ADAM12: variants seen among roughly 807,000 people sequenced by gnomAD.
The protein encoded by ADAM12 is ADAM metallopeptidase domain 12, also known as disintegrin and metalloproteinase domain-containing protein 12.
ADAM12 carries 70 observed loss-of-function variants against 106.4 expected under a neutral mutation model. The ratio of observed to expected loss-of-function variants is 0.66; its 90% confidence interval spans 0.54 to 0.80. The LOEUF is 0.80. Among genes scored for constraint, ADAM12 ranks in the 30% least tolerant of loss-of-function variants. The pLI is 0.00. For synonymous variants in ADAM12, 420 were observed against 433.5 expected, an observed-to-expected ratio of 0.97 and a Z score of 0.39; for missense variants, 1,010 against 1,171.9, an observed-to-expected ratio of 0.86 and a Z score of 2.02.
chr10:126,321,777 C>T (rs1854103012), intron 2 of ADAM12, among the ~76,000 whole-genome samples: 2 of 152,044 alleles, frequency 1.3e-5, no homozygotes, highest in African/African-American at 2.4e-5. Context: ...TGATATGATG[C>T]CCAGGGGAAA....
intron 2 of ADAM12, among the ~76,000 whole-genome samples, chr10:126,312,562 G>A (rs1012671884): frequency 2.0e-5 from 3 of 152,090 alleles, no homozygotes; most frequent in Non-Finnish European, 4.4e-5. Flanking sequence ...GTCAGGGAAA[G>A]CTTCAGGGAG....
At chr10:126,119,213 C>T (rs957085349) in intron 5 of ADAM12, among the ~76,000 whole-genome samples, 16 of 152,148 alleles carry the variant, frequency 1.1e-4, no homozygotes, top group African/African-American at 1.9e-4. Flanking sequence ...CCAGTCTCAA[C>T]GCTGCAAGGG....
rs956698184 is a variant in ADAM12 at position 126,132,058 on chromosome 10, C to G, written c.416+3526G>C. On this transcript the variant is annotated intron_variant, in intron 5 of 22. Transcript: ENST00000448723. ...TGGTACAATCTCGGCTCACTGCAAC[C>G]CCCGCCTCCCGGGTTCAAGCAGTTT... is the stretch of plus-strand genomic sequence containing the variant. Among the ~76,000 whole-genome samples, 4 of 151,904 alleles carry G rather than the reference C, an allele frequency of 2.6e-5. No homozygotes were observed. In the East Asian group the frequency reaches 7.8e-4, roughly 29 times the overall value.
chr10:126,370,592 G>A (rs1258439528), intron 1 of ADAM12, among the ~76,000 whole-genome samples: 1 of 152,176 alleles, frequency 6.6e-6, no homozygotes, highest in Non-Finnish European at 1.5e-5. Flanking sequence ...AGAGCCCACA[G>A]GACAAGTTCC....
chr10:126,380,946 T>C (rs1856467228), intron 1 of ADAM12, among the ~76,000 whole-genome samples: 2 of 152,210 alleles, frequency 1.3e-5, no homozygotes, highest in Non-Finnish European at 2.9e-5. Flanking sequence ...CACACTCTGA[T>C]ACAAAATTTT....
At chr10:126,137,750 C>T (rs531789004) in intron 4 of ADAM12, among the ~76,000 whole-genome samples, 2 of 152,302 alleles carry the variant, frequency 1.3e-5, no homozygotes, top group African/African-American at 4.8e-5. Flanking sequence ...TCACCTTCTG[C>T]CTTGTGGATG....
intron 1 of ADAM12, among the ~76,000 whole-genome samples, chr10:126,331,661 A>G (rs1297324747): frequency 1.3e-5 from 2 of 152,166 alleles, no homozygotes; most frequent in African/African-American, 4.8e-5. Context: ...AACAGGAATG[A>G]ACTGAAAGTC....
chr10:126,227,259 G>A (rs771799967), intron 3 of ADAM12, among the ~76,000 whole-genome samples: 14 of 151,540 alleles, frequency 9.2e-5, no homozygotes, highest in Non-Finnish European at 1.5e-4. Flanking sequence ...CATCACCATC[G>A]CCATCATTAC....
intron 5 of ADAM12, among the ~76,000 whole-genome samples, chr10:126,127,061 C>A (rs73378697): frequency 1.3e-5 from 2 of 152,146 alleles, no homozygotes; most frequent in African/African-American, 4.8e-5. Flanking sequence ...GTGGCATGCA[C>A]GTCAAAGCTT....
intron 11 of ADAM12, among the ~76,000 whole-genome samples, chr10:126,079,675 A>C (rs140888706): frequency 1.3e-5 from 2 of 152,350 alleles, no homozygotes; most frequent in South Asian, 4.1e-4. Flanking sequence ...GTGTCGTGAC[A>C]ATAAAAAATG....
chr10:126,038,947 CA>C (rs1440968947), intron 19 of ADAM12, among the ~76,000 whole-genome samples: 1 of 132,288 alleles, frequency 7.6e-6, no homozygotes, highest in East Asian at 2.5e-4. Flanking sequence ...TCTGAGACAC[CA>C]TTTCTTTTTT....
Position 126,220,021 on chromosome 10 carries a change from C to T in ADAM12, c.260+58894G>A, listed in dbSNP as rs140540086. On this transcript the variant is annotated intron_variant, in intron 3 of 22. Coordinates refer to ENST00000448723, the MANE Select transcript of ADAM12 (RefSeq NM_001288973.2). ...CAGTGGTCATAAAGCAGCTCCTCGCCGTACCAAGTAGGACGTCTCTGAATC... is the reference window on the plus strand; with the variant it reads ...CAGTGGTCATAAAGCAGCTCCTCGCTGTACCAAGTAGGACGTCTCTGAATC... 5.8e-3 allele frequency among the ~76,000 whole-genome samples: 890 copies of T among 152,238 alleles called. 15 individuals are homozygous for T. The highest frequency in any genetic ancestry group is 0.021 in the African/African-American group (857 of 41,548).
chr10:126,366,370 T>G (rs1855910612), intron 1 of ADAM12, among the ~76,000 whole-genome samples: 1 of 152,150 alleles, frequency 6.6e-6, no homozygotes, highest in Non-Finnish European at 1.5e-5. Context: ...GGATGCGTGA[T>G]CCTTTCTATA....
At chr10:126,235,507 G>A (rs888184348) in intron 3 of ADAM12, among the ~76,000 whole-genome samples, 5 of 152,156 alleles carry the variant, frequency 3.3e-5, no homozygotes, top group Admixed American at 2.0e-4. Context: ...TGGCCTTCTG[G>A]CCTTCCTCGA....
intron 3 of ADAM12, among the ~76,000 whole-genome samples, chr10:126,224,944 C>T (rs922784630): frequency 2.0e-5 from 3 of 152,244 alleles, no homozygotes; most frequent in Admixed American, 6.5e-5. Context: ...AGTCCCGCCA[C>T]CCTCCTCCTC....
At chr10:126,018,998 C>T (rs1168552884) in intron 22 of ADAM12, among the ~76,000 whole-genome samples, 1 of 152,206 alleles carries the variant, frequency 6.6e-6, no homozygotes, top group Non-Finnish European at 1.5e-5. Flanking sequence ...GCCCCAGTCT[C>T]ATATCAAATT....
At chr10:126,145,769 T>C (rs12217961) in intron 4 of ADAM12, among the ~76,000 whole-genome samples, 49,066 of 151,920 alleles carry the variant, frequency 0.32, 8,222 homozygotes, top group Non-Finnish European at 0.38. Flanking sequence ...GTCTTGCCTG[T>C]TGTTGATATT....
At chr10:126,153,544 C>A (rs1054231268) in intron 4 of ADAM12, among the ~76,000 whole-genome samples, 3 of 152,060 alleles carry the variant, frequency 2.0e-5, no homozygotes, top group African/African-American at 7.2e-5. Flanking sequence ...TTCTATTAGA[C>A]CCATTCTGTT....
At chr10:126,384,544 G>A (rs1434484033) in intron 1 of ADAM12, among the ~76,000 whole-genome samples, 1 of 152,024 alleles carries the variant, frequency 6.6e-6, no homozygotes, top group African/African-American at 2.4e-5. Flanking sequence ...TAACCCGTGA[G>A]TCACATTGGA....
Sources: gnomAD v4.1 joint callset for allele counts (sites outside exome capture counted in the v4.1 genomes callset) on GRCh38, gnomAD v4.1.1 for gene constraint, MANE v1.5 for transcripts, NCBI Gene and HGNC (gene_info 2026-07-23, HGNC 2026-07-21) for gene names.